The following PICALM variants were observed in gnomAD, a reference collection of about 807,000 sequenced individuals.
PICALM encodes the protein phosphatidylinositol-binding clathrin assembly protein.
A neutral mutation model predicts 80.5 loss-of-function variants in PICALM; 40 were observed. The ratio of observed to expected loss-of-function variants is 0.50; its 90% CI spans 0.39 to 0.65. The LOEUF (loss-of-function observed/expected upper bound fraction) is 0.65, where lower values mean the gene tolerates loss of function less well. PICALM is among the 30% of genes least tolerant of loss of function. PICALM has a pLI of 0.00. For missense variants in PICALM, 676 were observed against 778.9 expected (o/e 0.87, Z 1.57); for synonymous variants, 288 against 260.3 (o/e 1.11, Z -1.02).
chr11:85,980,994 A>G, intron 17 of PICALM, 135 bp downstream of exon 17: 1 of 561,460 alleles, frequency 1.8e-6, no homozygotes, highest in East Asian at 3.0e-5. Context: ...TTCCTTTGAA[A>G]GAAATACAAT....
chr11:86,055,182 T>C (rs781726284), intron 1 of PICALM, among the ~76,000 whole-genome samples: 2 of 151,668 alleles, frequency 1.3e-5, no homozygotes, highest in East Asian at 1.9e-4. Flanking sequence ...AATACAAAAT[T>C]AGCCAGGCGT....
chr11:85,959,656 A>AAAG (rs1402591265), intron 19 of PICALM, among the ~76,000 whole-genome samples: 1 of 149,790 alleles, frequency 6.7e-6, no homozygotes, highest in Admixed American at 6.7e-5. Context: ...AAAAAAAAAA[A>AAAG]GCTCATTGGA....
intron 11 of PICALM, among the ~76,000 whole-genome samples, chr11:85,998,020 G>A (rs751912837): frequency 2.6e-5 from 4 of 151,968 alleles, no homozygotes; most frequent in Non-Finnish European, 4.4e-5. Context: ...GACCTCAGAT[G>A]ATCCACCCAC....
chr11:86,027,296 C>T (rs920477714), intron 2 of PICALM, among the ~76,000 whole-genome samples: 8 of 152,180 alleles, frequency 5.3e-5, no homozygotes, highest in Non-Finnish European at 1.2e-4. Flanking sequence ...AAAAGCTCAT[C>T]TTCTCAATAT....
chr11:85,998,030 C>T (rs2095031432), intron 11 of PICALM, among the ~76,000 whole-genome samples: 2 of 152,172 alleles, frequency 1.3e-5, no homozygotes, highest in African/African-American at 2.4e-5. Flanking sequence ...GATCCACCCA[C>T]CTGAGCCTCC....
In PICALM at chr11:86,014,912, T is replaced by A; in HGVS notation, c.504A>T (p.Val168=). Residue 168 remains valine (V), a synonymous_variant, in exon 5 of 20, where the codon GTA becomes GTT. Coordinates refer to ENST00000393346, the MANE Select transcript of PICALM (RefSeq NM_007166.4). ...CATCCATCTGATTCTGAATAATTGGTACAGTTTTTAGGAGTTTTTCTGTGT... is the reference window on the plus strand; with the variant it reads ...CATCCATCTGATTCTGAATAATTGGAACAGTTTTTAGGAGTTTTTCTGTGT... ...TMNTEKLLKT[V]PIIQNQMDAL... 6.3e-7 allele frequency: 1 copy of A among 1,593,424 alleles called. No individual in the cohort carries two copies. The highest frequency in any genetic ancestry group is 8.6e-7 in the Non-Finnish European group (1 of 1,166,372).
intron 2 of PICALM, among the ~76,000 whole-genome samples, chr11:86,030,300 C>T (rs1055070564): frequency 2.0e-5 from 3 of 152,130 alleles, no homozygotes; most frequent in African/African-American, 7.2e-5. Flanking sequence ...TAAATTCTTG[C>T]TTTAATTTTG....
chr11:86,004,828 A>G (rs1412516153), intron 8 of PICALM, among the ~76,000 whole-genome samples: 1 of 152,202 alleles, frequency 6.6e-6, no homozygotes, highest in Admixed American at 6.5e-5. Context: ...AGGGAGACAC[A>G]GTAGAAAACC....
intron 19 of PICALM, among the ~76,000 whole-genome samples, chr11:85,974,165 G>A (rs1045011406): frequency 4.6e-5 from 7 of 152,172 alleles, no homozygotes; most frequent in Admixed American, 3.3e-4. Flanking sequence ...GAAAGTCTCT[G>A]GATTAAACCA....
chr11:86,010,411 C>G (rs1284951993), intron 7 of PICALM, among the ~76,000 whole-genome samples: 1 of 151,852 alleles, frequency 6.6e-6, no homozygotes, highest in Non-Finnish European at 1.5e-5. Flanking sequence ...ACTGCAACCT[C>G]CGCCTCCTGG....
chr11:86,035,851 G>A (rs1189787329), intron 1 of PICALM, among the ~76,000 whole-genome samples: 1 of 151,004 alleles, frequency 6.6e-6, no homozygotes, highest in Non-Finnish European at 1.5e-5. Flanking sequence ...AGGAGGCTGA[G>A]GCAGCAGAAT....
chr11:85,969,159 T>C (rs956132918), intron 19 of PICALM, among the ~76,000 whole-genome samples: 1 of 152,196 alleles, frequency 6.6e-6, no homozygotes, highest in Non-Finnish European at 1.5e-5. Context: ...ACTAATGCAG[T>C]GCTTAGAGTA....
chr11:86,051,638 G>A (rs566665153), intron 1 of PICALM, among the ~76,000 whole-genome samples: 3 of 152,270 alleles, frequency 2.0e-5, no homozygotes, highest in South Asian at 2.1e-4. Context: ...TCCAGCCTGC[G>A]TAACAGAGTG....
intron 1 of PICALM, among the ~76,000 whole-genome samples, chr11:86,045,488 A>AG (rs1177696602): frequency 3.7e-5 from 5 of 134,358 alleles, no homozygotes; most frequent in Non-Finnish European, 7.9e-5. Context: ...ACTCCAGCCT[A>AG]GGCAACATAG....
chr11:86,004,221 A>C (rs893210921), intron 8 of PICALM, among the ~76,000 whole-genome samples: 1 of 152,240 alleles, frequency 6.6e-6, no homozygotes, highest in Non-Finnish European at 1.5e-5. Flanking sequence ...ATTGTGGTAA[A>C]TATTATTCAG....
At chr11:86,036,972 G>C (rs914227393) in intron 1 of PICALM, among the ~76,000 whole-genome samples, 1 of 101,892 alleles carries the variant, frequency 9.8e-6, no homozygotes, top group East Asian at 2.7e-4. Context: ...TTTTGAGATG[G>C]AGTCTTGCTC....
intron 1 of PICALM, 44 bp from the exon 2 acceptor site, chr11:86,031,655 T>C (rs753056219): frequency 6.9e-7 from 1 of 1,442,120 alleles, no homozygotes; most frequent in East Asian, 2.3e-5. Flanking sequence ...TCTGTGGTTT[T>C]AATTTATTGT....
chr11:85,982,171 A>G, intron 14 of PICALM, 168 bp from the exon 15 acceptor site: 1 of 592,894 alleles, frequency 1.7e-6, no homozygotes, highest in South Asian at 2.0e-5. Context: ...TCACCACTTC[A>G]TACTGAATTG....
chr11:86,040,003 CAAAAA>C (rs752086947), intron 1 of PICALM, among the ~76,000 whole-genome samples: 7 of 53,384 alleles, frequency 1.3e-4, no homozygotes, highest in East Asian at 1.0e-3. Context: ...GACGCCGTCT[CAAAAA>C]AAAAAAAAAA....
Sources: gnomAD v4.1 joint callset for allele counts (sites outside exome capture counted in the v4.1 genomes callset) on GRCh38, gnomAD v4.1.1 for gene constraint, MANE v1.5 for transcripts, NCBI Gene and HGNC (gene_info 2026-07-23, HGNC 2026-07-21) for gene names.